LGI2: variants seen among roughly 807,000 people sequenced by gnomAD.
LGI2 encodes the protein leucine rich repeat LGI family member 2.
A neutral mutation model predicts 52.0 loss-of-function variants in LGI2; 30 were observed. The ratio of observed to expected loss-of-function variants is 0.58; its 90% confidence interval spans 0.43 to 0.78. The LOEUF (loss-of-function observed/expected upper bound fraction) is 0.78, where lower values mean the gene tolerates loss of function less well. Ranked by LOEUF, LGI2 falls within the 30% of genes least tolerant of loss-of-function variation. The pLI, the probability that LGI2 is intolerant of heterozygous loss-of-function variation, is 0.00. For synonymous variants in LGI2, 270 were observed against 271.8 expected, an observed-to-expected ratio of 0.99 and a Z score of 0.06; for missense variants, 573 against 692.5, an observed-to-expected ratio of 0.83 and a Z score of 1.94.
At chr4:25,009,644 T>C (rs530119592) in intron 7 of LGI2, among the ~76,000 whole-genome samples, 1 of 152,298 alleles carries the variant, frequency 6.6e-6, no homozygotes, top group Admixed American at 6.5e-5. Flanking sequence ...TTGTTTTGTT[T>C]TGTTTTTTTG....
intron 3 of LGI2, 100 bp from the exon 4 acceptor site, chr4:25,024,991 T>C: frequency 1.3e-6 from 1 of 775,982 alleles, no homozygotes; most frequent in Non-Finnish European, 2.0e-6. Context: ...AAAGTATTCC[T>C]GAATTATAAG....
intron 3 of LGI2, 115 bp from the exon 4 acceptor site, chr4:25,025,006 G>A (rs1726098991): frequency 2.9e-6 from 2 of 699,474 alleles, no homozygotes; most frequent in Admixed American, 6.4e-5. Context: ...TATAAGAATT[G>A]ATCTCTGAAG....
At chr4:25,006,363 T>C (rs1259948312) in intron 7 of LGI2, among the ~76,000 whole-genome samples, 2 of 152,190 alleles carry the variant, frequency 1.3e-5, no homozygotes, top group Non-Finnish European at 2.9e-5. Context: ...TAAAGGTTAT[T>C]TCTTTCCTTT....
At chr4:25,021,993 T>C (rs538841326) in intron 4 of LGI2, among the ~76,000 whole-genome samples, 1 of 145,982 alleles carries the variant, frequency 6.9e-6, no homozygotes, top group Admixed American at 6.8e-5. Flanking sequence ...ATATGGGAAA[T>C]CTAACTCCAT....
rs1038256225 is a variant in LGI2 at position 25,004,678 on chromosome 4, C to A, written c.821-410G>T. Among the ~76,000 whole-genome samples, 3 of 152,160 alleles carry A rather than the reference C, an allele frequency of 2.0e-5. No individual in the cohort carries two copies. The highest frequency in any genetic ancestry group is 7.2e-5 in the African/African-American group (3 of 41,440). ...CCTCTGCCCTTTCACCACATAGACA[C>A]AGCAAAGAGGTGGCCAGCTATGCAG... is the stretch of plus-strand genomic sequence containing the variant. On this transcript the variant is annotated intron_variant, in intron 7 of 7. Transcript: ENST00000382114. The surrounding 1 kb of genome is among the most constrained non-coding windows in gnomAD (Gnocchi z 4.6).
chr4:25,008,125 C>T (rs1028455463), intron 7 of LGI2, among the ~76,000 whole-genome samples: 1 of 152,206 alleles, frequency 6.6e-6, no homozygotes, highest in African/African-American at 2.4e-5. Flanking sequence ...CCACCTTCTA[C>T]CTCCTTCAGG....
At position 25,006,251 on chromosome 4, in the gene LGI2, C is replaced by T. The variant is rs1419171170; in HGVS notation, c.821-1983G>A. Among the ~76,000 whole-genome samples, 3 of 137,460 alleles carry T rather than the reference C, an allele frequency of 2.2e-5. No homozygotes were observed. In the Admixed American group the frequency reaches 2.2e-4, roughly 10 times the overall value. 90.2% of individuals were successfully genotyped at this position (137,460 alleles called of 152,430 possible). ...GCTCACCTCCCACCATCCCTTATCA[C>T]CCTGCACCCAGATGCCCCCCAGACC... On this transcript the variant is annotated intron_variant, in intron 7 of 7. Transcript: ENST00000382114.
At chr4:25,024,604 C>T (rs1212572223) in intron 4 of LGI2, among the ~76,000 whole-genome samples, 1 of 152,230 alleles carries the variant, frequency 6.6e-6, no homozygotes, top group Non-Finnish European at 1.5e-5. Flanking sequence ...AGTCATGTGG[C>T]CTATAACTGC....
In LGI2 at chr4:25,003,996, G is replaced by A; in HGVS notation, c.1093C>T (p.Gln365Ter). ...KWNSKGFYSY[Q>*]SLHEWFRDTD... The stretch of plus-strand genomic sequence containing the variant: ...TCCCTGAACCACTCGTGCAGTGACT[G>A]GTAAGAATAGAATCCTTTGCTGTTC... Residue 365 changes from glutamine to a stop codon, truncating the protein, a stop_gained, in exon 8 of 8, where the codon CAG becomes TAG. Coordinates refer to ENST00000382114, the MANE Select transcript of LGI2 (RefSeq NM_018176.4). LOFTEE classifies it high-confidence loss of function. 2 of 1,614,194 alleles carry A rather than the reference G, an allele frequency of 1.2e-6. No individual in the cohort carries two copies. Among genetic ancestry groups the A allele is most frequent in the Non-Finnish European group, 1.7e-6 (2 of 1,180,034 alleles).
chr4:25,020,284 G>A (rs2024341), intron 4 of LGI2, among the ~76,000 whole-genome samples: 21,625 of 152,174 alleles, frequency 0.14, 2,289 homozygotes, highest in African/African-American at 0.3. Context: ...ATTCTAAGAC[G>A]TCTTAGTCCA....
chr4:24,997,282 G>A (rs991944637), downstream of LGI2, among the ~76,000 whole-genome samples: 2 of 152,190 alleles, frequency 1.3e-5, no homozygotes, highest in Non-Finnish European at 2.9e-5. Context: ...CTGAGACACA[G>A]AGAAAATAAG....
At chr4:25,015,985 G>A (rs965575861) in intron 6 of LGI2, among the ~76,000 whole-genome samples, 1 of 151,706 alleles carries the variant, frequency 6.6e-6, no homozygotes, top group Non-Finnish European at 1.5e-5. Context: ...AAAGCCTAGC[G>A]CTGACTTTCT....
Position 25,003,756 on chromosome 4 carries a change from C to G in LGI2, c.1333G>C (p.Val445Leu), listed in dbSNP as rs1278369570. The change falls in exon 8 of 8, where the codon GTC becomes CTC. Residue 445 changes from valine (V) to leucine (L), a missense_variant. Transcript: ENST00000382114. The stretch of plus-strand genomic sequence containing the variant: ...AACTGCTTACTGTTCCACCTCATGA[C>G]CCGGGAGTCCCCGATGAAGCGGGTA... ...SLTRFIGDSRVMRWNSKQFVE... is the reference protein window; with the variant it reads ...SLTRFIGDSRLMRWNSKQFVE... The G allele has an allele frequency of 1.9e-6, 3 of 1,614,186 alleles. No individual in the cohort carries two copies. In the Admixed American group the frequency reaches 5.0e-5, roughly 27 times the overall value.
Position 25,015,868 on chromosome 4 carries a change from T to TA in LGI2, c.655+2120_655+2121insT, listed in dbSNP as rs548040694. On this transcript the variant is annotated intron_variant, in intron 6 of 7. Transcript: ENST00000382114. ...TGGATCACAACTTTGTTGTACCATT[T>TA]TTTTCCCGATGGAAGAAACTGTCAG... Among the ~76,000 whole-genome samples the TA allele has an allele frequency of 2.4e-4, 36 of 152,264 alleles. 1 individual carries two copies. Among genetic ancestry groups the TA allele is most frequent in the African/African-American group, 8.2e-4 (34 of 41,544 alleles).
intron 4 of LGI2, among the ~76,000 whole-genome samples, chr4:25,022,145 A>G (rs1194942690): frequency 3.9e-5 from 6 of 152,172 alleles, no homozygotes; most frequent in Non-Finnish European, 8.8e-5. Flanking sequence ...CTGGGAGATA[A>G]AACGAACACC....
At chr4:25,010,516 T>A (rs1725545430) in intron 7 of LGI2, among the ~76,000 whole-genome samples, 1 of 152,186 alleles carries the variant, frequency 6.6e-6, no homozygotes, top group Non-Finnish European at 1.5e-5. Context: ...ATGAGGCACA[T>A]CCACTCCCCA....
chr4:25,000,122 A>G lies in LGI2; in HGVS notation c.*3329T>C. ...TGTTAATTGTTAAATGGACCAGTTG[A>G]TTGAATGGTGTCTATTCAGTATGAT... is the stretch of plus-strand genomic sequence containing the variant. On this transcript the variant is annotated 3_prime_UTR_variant, in exon 8 of 8. Coordinates refer to ENST00000382114, the MANE Select transcript of LGI2 (RefSeq NM_018176.4). The G allele has an allele frequency of 3.6e-6, 1 of 274,210 alleles. No individual in the cohort carries two copies. Among genetic ancestry groups the G allele is most frequent in the Non-Finnish European group, 7.2e-6 (1 of 138,894 alleles). The allele number at this position is 274,210 out of a possible 1,614,324, so 17.0% of individuals were successfully genotyped here. A position where few individuals can be genotyped will look rare whatever the true frequency, so the allele number is the denominator to read the frequency against.
At chr4:25,027,395 A>T (rs1270553427) in intron 2 of LGI2, among the ~76,000 whole-genome samples, 10 of 5,822 alleles carry the variant, frequency 1.7e-3, no homozygotes, top group Non-Finnish European at 1.4e-3. Context: ...AACAATAGTT[A>T]AAAAAAAAAA....
chr4:24,995,879 T>C (rs2109396070), downstream of LGI2, among the ~76,000 whole-genome samples: 1 of 152,338 alleles, frequency 6.6e-6, no homozygotes, highest in South Asian at 2.1e-4. Context: ...TTGGAACATT[T>C]AGAGCTCCTT....
Sources: gnomAD v4.1 joint callset for allele counts (sites outside exome capture counted in the v4.1 genomes callset) on GRCh38, gnomAD v4.1.1 for gene constraint, Gnocchi (gnomAD v3.1) non-coding constraint, MANE v1.5 for transcripts, NCBI Gene and HGNC (gene_info 2026-07-23, HGNC 2026-07-21) for gene names.